Variants in EMB observed in about 807,000 individuals in gnomAD.
The protein encoded by EMB is embigin homolog.
Under a neutral mutation model 41.4 loss-of-function variants are expected in EMB, and 31 were observed. The observed-to-expected ratio is 0.75, with a 90% CI of 0.56 to 1.01. EMB has a LOEUF of 1.01. EMB is among the 50% of genes least tolerant of loss of function. EMB has a pLI of 0.00. For synonymous variants in EMB, 137 were observed against 140.4 expected (o/e 0.98, Z 0.17); for missense variants, 379 against 388.3 (o/e 0.98, Z 0.20).
intron 2 of EMB, among the ~76,000 whole-genome samples, chr5:50,418,783 G>A (rs987009599): frequency 1.3e-5 from 2 of 152,134 alleles, no homozygotes; most frequent in African/African-American, 2.4e-5. Context: ...GCCAGAACTT[G>A]ATTTCCAGTT....
chr5:50,419,908 C>T (rs1745490218), intron 2 of EMB, among the ~76,000 whole-genome samples: 1 of 152,112 alleles, frequency 6.6e-6, no homozygotes, highest in Non-Finnish European at 1.5e-5. Flanking sequence ...AAGTCATTAT[C>T]CTCAGCAAAC....
At chr5:50,414,151 C>G (rs1238077273) in intron 2 of EMB, among the ~76,000 whole-genome samples, 1 of 152,118 alleles carries the variant, frequency 6.6e-6, no homozygotes, top group Non-Finnish European at 1.5e-5. Context: ...ATTTCTCAAG[C>G]TCTTCTCATT....
At chr5:50,410,778 T>A in intron 4 of EMB, 99 bp downstream of exon 4, 1 of 767,764 alleles carries the variant, frequency 1.3e-6, no homozygotes, top group East Asian at 3.2e-5. Flanking sequence ...AGCTACATTA[T>A]GTTTATTATT....
intron 4 of EMB, among the ~76,000 whole-genome samples, chr5:50,408,225 T>C (rs1745279108): frequency 6.7e-6 from 1 of 149,798 alleles, no homozygotes; most frequent in African/African-American, 2.4e-5. Context: ...ATTAAATTTC[T>C]GCATACTTTC....
rs745698101 is a variant in EMB at position 50,410,998 on chromosome 5, A to G, written c.384-33T>C. On this transcript the variant is annotated intron_variant, in intron 3 of 8. Transcript: ENST00000303221. ...TAATTCAAGTTATTAATATAGGCTT[A>G]GTTCTCAAAACCTTAATGAAAATGA... The G allele has an allele frequency of 3.9e-5, 57 of 1,470,562 alleles. No individual in the cohort carries two copies. In the African/African-American group the frequency reaches 7.1e-4, roughly 18 times the overall value. 91.1% of individuals were successfully genotyped at this position (1,470,562 alleles called of 1,614,324 possible).
At chr5:50,407,024 T>C (rs987650431) in intron 4 of EMB, among the ~76,000 whole-genome samples, 2 of 151,958 alleles carry the variant, frequency 1.3e-5, no homozygotes, top group Non-Finnish European at 2.9e-5. Context: ...AACAGCCCTG[T>C]TAGGCTCACC....
chr5:50,399,708 T>G (rs1745128862), intron 8 of EMB, 151 bp downstream of exon 8: 3 of 629,918 alleles, frequency 4.8e-6, no homozygotes, highest in African/African-American at 1.9e-5. Context: ...ATACTGTATA[T>G]TTTCCCCTAT....
rs954155747 is a variant in EMB, at chr5:50,396,694, A to G, written c.*2579T>C. 3 of 152,138 alleles carry G rather than the reference A, an allele frequency of 2.0e-5. No individual in the cohort carries two copies. Among genetic ancestry groups the G allele is most frequent in the Non-Finnish European group, 4.4e-5 (3 of 68,034 alleles). The allele number at this position is 152,138 out of a possible 1,614,324, so 9.4% of individuals were successfully genotyped here. On this transcript the variant is annotated 3_prime_UTR_variant, in exon 9 of 9. Coordinates refer to ENST00000303221, the MANE Select transcript of EMB (RefSeq NM_198449.3). ...CAAAGGTGAGCCTACAGAGATTCCA[A>G]AGTTGCATAGTGAGGTTTGTGTTTG... is the stretch of plus-strand genomic sequence containing the variant.
chr5:50,441,083 A>G lies in EMB; in HGVS notation c.69T>C (p.Leu23=). Residue 23 remains leucine, a synonymous_variant, in exon 1 of 9, where the codon CTT becomes CTC. Coordinates refer to ENST00000303221, the MANE Select transcript of EMB (RefSeq NM_198449.3). ...CCGAGCTTGGGCGCGCGGCAGCGAG[A>G]AGGCACTGGAGGAGGAGCAGCCGGG... ...RTPRLLLLQC[L]LAAARPSSAD... 2.6e-6 allele frequency: 4 copies of G among 1,518,412 alleles called. No individual in the cohort carries two copies. The highest frequency in any genetic ancestry group is 3.5e-6 in the Non-Finnish European group (4 of 1,135,634). The allele number at this position is 1,518,412 out of a possible 1,614,324, so 94.1% of individuals were successfully genotyped here. A position where few individuals can be genotyped will look rare whatever the true frequency, so the allele number is the denominator to read the frequency against.
At chr5:50,422,833 C>T (rs556380222) in intron 2 of EMB, among the ~76,000 whole-genome samples, 9 of 152,090 alleles carry the variant, frequency 5.9e-5, no homozygotes, top group South Asian at 2.1e-4. Context: ...AAGCCTAGTA[C>T]GTGGGTCAGG....
intron 1 of EMB, among the ~76,000 whole-genome samples, chr5:50,438,794 G>A (rs867345887): frequency 3.5e-4 from 53 of 151,576 alleles, no homozygotes; most frequent in Non-Finnish European, 4.9e-4. Context: ...TTTAGCTTAC[G>A]TGGAGCTAAA....
At chr5:50,399,476 T>C (rs1411990944) in intron 8 of EMB, among the ~76,000 whole-genome samples, 186 bp from the exon 9 acceptor site, 1 of 151,940 alleles carries the variant, frequency 6.6e-6, no homozygotes, top group East Asian at 1.9e-4. Context: ...GAAAGTTAGC[T>C]TATATGCATA....
chr5:50,403,420 A>C lies in EMB; in HGVS notation c.635T>G (p.Ile212Ser), dbSNP rs143659734. 2 of 1,612,330 alleles carry C rather than the reference A, an allele frequency of 1.2e-6. No homozygotes were observed. The highest frequency in any genetic ancestry group is 2.7e-5 in the African/African-American group (2 of 74,780). The change falls in exon 6 of 9, where the codon ATC (isoleucine) becomes AGC (serine). Residue 212 changes from isoleucine (I) to serine (S), a missense_variant. Ile to Ser is a moderately radical substitution (Grantham distance 142). Transcript: ENST00000303221. ...TGTTTCGTTAGCATATGTTCCATTG[A>C]TCACATATTTATTCATTTGAACACC... ...PVGVQMNKYV[I>S]NGTYANETKL...
intron 5 of EMB, among the ~76,000 whole-genome samples, chr5:50,405,513 A>C (rs1745233292): frequency 6.6e-6 from 1 of 151,552 alleles, no homozygotes; most frequent in African/African-American, 2.4e-5. Context: ...TGAAACGTTA[A>C]GAGTATCTTC....
intron 2 of EMB, among the ~76,000 whole-genome samples, chr5:50,412,708 A>G (rs1745362550): frequency 6.6e-6 from 1 of 151,900 alleles, no homozygotes; most frequent in Non-Finnish European, 1.5e-5. Flanking sequence ...TTGCTAATCT[A>G]TCTTTTGTCA....
chr5:50,412,820 C>T (rs567459178), intron 2 of EMB, among the ~76,000 whole-genome samples: 1 of 151,692 alleles, frequency 6.6e-6, no homozygotes, highest in South Asian at 2.1e-4. Context: ...CCCACCCTTC[C>T]ACTCCAACCC....
intron 2 of EMB, among the ~76,000 whole-genome samples, chr5:50,413,915 G>T (rs1453058028): frequency 6.6e-6 from 1 of 152,004 alleles, no homozygotes; most frequent in Non-Finnish European, 1.5e-5. Flanking sequence ...CTTTGTATCG[G>T]ACGTCAGGTG....
chr5:50,425,446 T>C (rs1191238565), intron 2 of EMB, among the ~76,000 whole-genome samples: 19 of 152,056 alleles, frequency 1.2e-4, no homozygotes, highest in Admixed American at 1.2e-3. Context: ...CAATCTCTTC[T>C]GTTAAACTAT....
At chr5:50,417,390 C>G (rs1745446801) in intron 2 of EMB, among the ~76,000 whole-genome samples, 1 of 152,160 alleles carries the variant, frequency 6.6e-6, no homozygotes, top group Non-Finnish European at 1.5e-5. Flanking sequence ...AAACATAATA[C>G]TAATCCCTTG....
Sources: allele counts gnomAD v4.1 joint callset (sites outside exome capture counted in the v4.1 genomes callset), GRCh38; gene constraint gnomAD v4.1.1; transcripts MANE v1.5; gene names NCBI Gene and HGNC (gene_info 2026-07-23, HGNC 2026-07-21).